The following STXBP6 variants were observed in gnomAD, a reference collection of about 807,000 sequenced individuals.
The protein encoded by STXBP6 is syntaxin binding protein 6.
STXBP6 carries 21 observed loss-of-function variants against 26.9 expected under a neutral mutation model. That is an observed-to-expected ratio of 0.78 (90% CI 0.55 to 1.12). STXBP6 has a LOEUF of 1.12. STXBP6 is among the 50% of genes most tolerant of loss of function. STXBP6 has a pLI of 0.00. For missense variants in STXBP6, 232 were observed against 257.9 expected (o/e 0.90, Z 0.69); for synonymous variants, 97 against 92.6 (o/e 1.05, Z -0.27).
chr14:25,024,402 C>T (rs768071604), intron 1 of STXBP6, among the ~76,000 whole-genome samples: 23 of 152,102 alleles, frequency 1.5e-4, no homozygotes, highest in Non-Finnish European at 2.6e-4. Context: ...AGCCTCACTT[C>T]ACAGATAAGG....
At chr14:24,990,894 C>A in intron 1 of STXBP6, among the ~76,000 whole-genome samples, 1 of 146,422 alleles carries the variant, frequency 6.8e-6, no homozygotes, top group African/African-American at 2.5e-5. Flanking sequence ...AGAGAGGGGA[C>A]AGGGAGAGGG....
chr14:24,822,074 C>T (rs1189663993), intron 4 of STXBP6, among the ~76,000 whole-genome samples: 1 of 152,064 alleles, frequency 6.6e-6, no homozygotes, highest in Non-Finnish European at 1.5e-5. Context: ...AGCTCCAGGC[C>T]CATAGGTTTT....
intron 2 of STXBP6, among the ~76,000 whole-genome samples, chr14:24,904,653 G>T (rs549514962): frequency 6.6e-5 from 10 of 152,272 alleles, no homozygotes; most frequent in Non-Finnish European, 1.5e-4. Flanking sequence ...AGGAGGGAAA[G>T]ATACCAGGAG....
chr14:25,009,461 C>A lies in STXBP6; in HGVS notation c.-32-34611G>T, dbSNP rs559788013. ...TACAATAAGTAACCAAAATACATTT[C>A]CTTCCCAGACCCAAAGCCCAAAGTG... On this transcript the variant is annotated intron_variant, in intron 1 of 5. Coordinates refer to ENST00000323944, the MANE Select transcript of STXBP6 (RefSeq NM_001394410.1). Among the ~76,000 whole-genome samples the A allele has an allele frequency of 2.6e-5, 4 of 152,286 alleles. No homozygotes were observed. The South Asian group carries it at 8.3e-4, about 32-fold the overall frequency.
At chr14:25,047,722 T>C (rs2075747802) in intron 1 of STXBP6, among the ~76,000 whole-genome samples, 1 of 152,240 alleles carries the variant, frequency 6.6e-6, no homozygotes, top group South Asian at 2.1e-4. Flanking sequence ...CAGGAGCCTG[T>C]GTGAACCCTT....
chr14:24,996,689 TA>T (rs1309454667), intron 1 of STXBP6, among the ~76,000 whole-genome samples: 8 of 151,070 alleles, frequency 5.3e-5, no homozygotes, highest in Non-Finnish European at 1.0e-4. Flanking sequence ...CCGTCTCTAC[TA>T]AAAAAAATTA....
intron 1 of STXBP6, among the ~76,000 whole-genome samples, chr14:25,048,079 G>A (rs1411902901): frequency 6.6e-6 from 1 of 152,136 alleles, no homozygotes; most frequent in East Asian, 1.9e-4. Flanking sequence ...GAAAGAAAAA[G>A]GGTAAACAGA....
chr14:25,049,020 T>C lies in STXBP6; in HGVS notation c.-33+858A>G. On this transcript the variant is annotated intron_variant, in intron 1 of 5. Coordinates refer to ENST00000323944, the MANE Select transcript of STXBP6 (RefSeq NM_001394410.1). The surrounding 1 kb of genome is among the most constrained non-coding windows in gnomAD (Gnocchi z 5.6). ...CGTAATAGGAAGGGGAGAAGGTTCGTTATGAAATCCTGGGGCCAGAACCAA... is the reference window on the plus strand; with the variant it reads ...CGTAATAGGAAGGGGAGAAGGTTCGCTATGAAATCCTGGGGCCAGAACCAA... 2 of 343,162 alleles carry C rather than the reference T, an allele frequency of 5.8e-6. No homozygotes were observed. Among genetic ancestry groups the C allele is most frequent in the Non-Finnish European group, 8.2e-6 (2 of 242,656 alleles). 21.3% of individuals were successfully genotyped at this position (343,162 alleles called of 1,614,324 possible). A position where few individuals can be genotyped will look rare whatever the true frequency, so the allele number is the denominator to read the frequency against.
chr14:24,935,853 G>T (rs2072576186), intron 2 of STXBP6, among the ~76,000 whole-genome samples: 1 of 152,070 alleles, frequency 6.6e-6, no homozygotes, highest in Non-Finnish European at 1.5e-5. Context: ...TTTTCCTGAT[G>T]AACACATACT....
chr14:25,048,863 C>T (rs565904089), intron 1 of STXBP6: 4 of 152,510 alleles, frequency 2.6e-5, no homozygotes, highest in African/African-American at 9.6e-5. Flanking sequence ...CCTCCACAGC[C>T]TTACAATCCG....
intron 2 of STXBP6, among the ~76,000 whole-genome samples, chr14:24,920,843 C>T (rs933993502): frequency 6.6e-6 from 1 of 152,082 alleles, no homozygotes; most frequent in African/African-American, 2.4e-5. Flanking sequence ...TCTTTACCCA[C>T]AAACTATGTT....
intron 2 of STXBP6, among the ~76,000 whole-genome samples, chr14:24,909,067 T>C (rs11847012): frequency 0.21 from 31,460 of 152,206 alleles, 4,411 homozygotes; most frequent in African/African-American, 0.4. Flanking sequence ...TCTTTAGGGA[T>C]AAGCAGGAAA....
Position 24,825,928 on chromosome 14 carries a change from G to T in STXBP6, c.452-6734C>A, listed in dbSNP as rs1441319160. Among the ~76,000 whole-genome samples the T allele has an allele frequency of 2.6e-5, 4 of 152,022 alleles. No homozygotes were observed. In the East Asian group the frequency reaches 7.7e-4, roughly 29 times the overall value. On this transcript the variant is annotated intron_variant, in intron 4 of 5. Coordinates refer to ENST00000323944, the MANE Select transcript of STXBP6 (RefSeq NM_001394410.1). ...AATGAATTCAATAATACTTCTTTTGGGTCTGTTTTGTTCAGAGATTATCAG... is the reference window on the plus strand; with the variant it reads ...AATGAATTCAATAATACTTCTTTTGTGTCTGTTTTGTTCAGAGATTATCAG...
In STXBP6 at chr14:24,949,110, G is replaced by A. The variant is rs996799099; in HGVS notation, c.154+25555C>T. On this transcript the variant is annotated intron_variant, in intron 2 of 5. Transcript: ENST00000323944. ...ACTGAATTGGTACTAAATTCAACAC[G>A]AAAAAGTAGAGAGTAAGCACCATTA... 3.3e-5 allele frequency among the ~76,000 whole-genome samples: 5 copies of A among 152,088 alleles called. No individual in the cohort carries two copies. In the East Asian group the frequency reaches 7.7e-4, roughly 23 times the overall value.
chr14:24,869,476 A>T (rs1366083800), intron 2 of STXBP6, among the ~76,000 whole-genome samples: 1 of 152,324 alleles, frequency 6.6e-6, no homozygotes, highest in East Asian at 1.9e-4. Context: ...TTCCTAAGAA[A>T]AATCCCTGGG....
At chr14:25,035,604 T>G (rs1448029642) in intron 1 of STXBP6, among the ~76,000 whole-genome samples, 1 of 152,202 alleles carries the variant, frequency 6.6e-6, no homozygotes, top group Admixed American at 6.5e-5. Flanking sequence ...CACCTGGAAT[T>G]CTTTACAGGA....
At chr14:24,984,554 G>C (rs904275949) in intron 1 of STXBP6, among the ~76,000 whole-genome samples, 6 of 152,174 alleles carry the variant, frequency 3.9e-5, no homozygotes, top group Non-Finnish European at 1.5e-5. Context: ...ATCTCATTAA[G>C]GATCTGGCCA....
At chr14:24,880,633 G>A (rs2070324023) in intron 2 of STXBP6, among the ~76,000 whole-genome samples, 1 of 152,146 alleles carries the variant, frequency 6.6e-6, no homozygotes. Context: ...GGTAAAGGGA[G>A]CCATGAGAGC....
At chr14:24,845,446 T>C (rs1486928978) in intron 4 of STXBP6, among the ~76,000 whole-genome samples, 2 of 152,212 alleles carry the variant, frequency 1.3e-5, no homozygotes, top group African/African-American at 4.8e-5. Context: ...AGGAACTTTT[T>C]GATATTACAG....
Sources: gnomAD v4.1 joint callset for allele counts (sites outside exome capture counted in the v4.1 genomes callset) on GRCh38, gnomAD v4.1.1 for gene constraint, Gnocchi (gnomAD v3.1) non-coding constraint, MANE v1.5 for transcripts, NCBI Gene and HGNC (gene_info 2026-07-23, HGNC 2026-07-21) for gene names.